The following CTNND2 variants were observed in gnomAD, a reference collection of about 807,000 sequenced individuals.
CTNND2 encodes the protein catenin delta 2.
Under a neutral mutation model 144.4 loss-of-function variants are expected in CTNND2, and 22 were observed. The ratio of observed to expected loss-of-function variants is 0.15; its 90% CI spans 0.11 to 0.22. The LOEUF (loss-of-function observed/expected upper bound fraction) is 0.22, where lower values mean the gene tolerates loss of function less well. Among genes scored for constraint, CTNND2 ranks in the 10% least tolerant of loss-of-function variants. The probability of loss-of-function intolerance (pLI) is 1.00; values close to 1 mark genes in which losing one functional copy is unlikely to be tolerated. For missense variants in CTNND2, 1,353 were observed against 1,618.8 expected (o/e 0.84, Z 2.82); for synonymous variants, 751 against 695.6 (o/e 1.08, Z -1.25).
At chr5:11,776,323 G>C (rs1490772143) in intron 1 of CTNND2, among the ~76,000 whole-genome samples, 1 of 152,118 alleles carries the variant, frequency 6.6e-6, no homozygotes, top group African/African-American at 2.4e-5. Flanking sequence ...TGAAGACAAG[G>C]AGTTAAAATA....
intron 7 of CTNND2, among the ~76,000 whole-genome samples, chr5:11,366,045 C>T (rs20476): frequency 0.041 from 6,256 of 152,208 alleles, 331 homozygotes; most frequent in East Asian, 0.16. Flanking sequence ...CTCTCTATTC[C>T]GGACTAACAT....
intron 4 of CTNND2, 59 bp downstream of exon 4, chr5:11,411,976 A>C: frequency 7.4e-7 from 1 of 1,342,434 alleles, no homozygotes; most frequent in Non-Finnish European, 1.1e-6. Context: ...TTCATAAGAA[A>C]AGTCATCAGT....
intron 12 of CTNND2, among the ~76,000 whole-genome samples, chr5:11,140,480 T>C (rs1756617909): frequency 6.6e-6 from 1 of 152,238 alleles, no homozygotes; most frequent in African/African-American, 2.4e-5. Context: ...AAAGTTGTTT[T>C]CAAACACTAT....
chr5:11,425,872 C>T (rs1422051588), intron 3 of CTNND2, among the ~76,000 whole-genome samples: 1 of 152,150 alleles, frequency 6.6e-6, no homozygotes, highest in African/African-American at 2.4e-5. Flanking sequence ...CATGATCTTC[C>T]TTGGAGAGTG....
chr5:11,400,053 G>C (rs867659097), intron 5 of CTNND2, among the ~76,000 whole-genome samples: 69 of 152,184 alleles, frequency 4.5e-4, no homozygotes, highest in African/African-American at 1.5e-3. Flanking sequence ...ACTGTGCAAT[G>C]AGGTAGAAAA....
At chr5:11,559,453 T>C (rs548171240) in intron 3 of CTNND2, among the ~76,000 whole-genome samples, 1 of 152,292 alleles carries the variant, frequency 6.6e-6, no homozygotes, top group South Asian at 2.1e-4. Flanking sequence ...ATAAAATGAA[T>C]TTAGCACGAC....
intron 11 of CTNND2, among the ~76,000 whole-genome samples, chr5:11,174,097 T>TGAG (rs1760224646): frequency 6.6e-6 from 1 of 152,120 alleles, no homozygotes; most frequent in Non-Finnish European, 1.5e-5. Flanking sequence ...ATGGAGACGT[T>TGAG]CTGGCCTTGA....
chr5:11,029,474 C>T (rs1445094659), intron 16 of CTNND2, among the ~76,000 whole-genome samples: 3 of 152,262 alleles, frequency 2.0e-5, no homozygotes, highest in Admixed American at 2.0e-4. Flanking sequence ...GTGGTTACCA[C>T]AGGGATTACA....
At chr5:11,278,199 C>A (rs1746751660) in intron 9 of CTNND2, among the ~76,000 whole-genome samples, 3 of 152,200 alleles carry the variant, frequency 2.0e-5, no homozygotes, top group Admixed American at 2.0e-4. Flanking sequence ...CTACAGTCGC[C>A]ATTCTACTCA....
chr5:11,120,208 C>T (rs1286554122), intron 12 of CTNND2, among the ~76,000 whole-genome samples: 1 of 152,200 alleles, frequency 6.6e-6, no homozygotes, highest in African/African-American at 2.4e-5. Flanking sequence ...GATACGCCTA[C>T]ACCCACACAG....
chr5:10,984,004 G>A (rs75104699), intron 20 of CTNND2, among the ~76,000 whole-genome samples: 17,417 of 152,014 alleles, frequency 0.11, 1,082 homozygotes, highest in Non-Finnish European at 0.14. Context: ...CCTGGAACTC[G>A]CTTCCCTCAG....
intron 14 of CTNND2, among the ~76,000 whole-genome samples, chr5:11,105,074 A>G (rs753489314): frequency 7.2e-5 from 11 of 152,336 alleles, no homozygotes; most frequent in Non-Finnish European, 1.3e-4. Flanking sequence ...AGGCTGCTCC[A>G]TATGACTGGG....
chr5:11,494,391 A>C (rs1306057612), intron 3 of CTNND2, among the ~76,000 whole-genome samples: 2 of 152,146 alleles, frequency 1.3e-5, no homozygotes, highest in African/African-American at 4.8e-5. Context: ...GTCTGTTTAC[A>C]AAAAAAGAGA....
chr5:11,232,315 G>T (rs1194017378), intron 10 of CTNND2, among the ~76,000 whole-genome samples: 1 of 99,596 alleles, frequency 1.0e-5, no homozygotes, highest in Non-Finnish European at 2.1e-5. Context: ...CTTGCACCAT[G>T]TGCCTGGAAA....
intron 2 of CTNND2, among the ~76,000 whole-genome samples, chr5:11,682,181 C>T (rs1056338714): frequency 7.2e-5 from 11 of 152,208 alleles, no homozygotes; most frequent in Admixed American, 5.2e-4. Flanking sequence ...ACTGGTTTAA[C>T]GTATCACAGT....
chr5:11,101,207 T>A (rs1264270240), intron 14 of CTNND2, among the ~76,000 whole-genome samples: 1 of 152,206 alleles, frequency 6.6e-6, no homozygotes, highest in East Asian at 1.9e-4. Flanking sequence ...TATTCAAACT[T>A]TTATTAAGTT....
At chr5:11,667,609 GTTGT>G (rs956921532) in intron 2 of CTNND2, among the ~76,000 whole-genome samples, 1 of 152,116 alleles carries the variant, frequency 6.6e-6, no homozygotes, top group Non-Finnish European at 1.5e-5. Flanking sequence ...TTTTGATGGG[GTTGT>G]TTCTTTACTT....
intron 10 of CTNND2, among the ~76,000 whole-genome samples, chr5:11,211,879 T>C (rs1311874192): frequency 6.6e-6 from 1 of 152,194 alleles, no homozygotes; most frequent in African/African-American, 2.4e-5. Context: ...CAAAAGAATT[T>C]ATGATAGAAA....
chr5:11,221,922 G>C (rs1188971635), intron 10 of CTNND2, among the ~76,000 whole-genome samples: 1 of 152,158 alleles, frequency 6.6e-6, no homozygotes, highest in Non-Finnish European at 1.5e-5. Context: ...AGATGAAGAA[G>C]TTTATGGTGG....
Sources: allele counts gnomAD v4.1 joint callset (sites outside exome capture counted in the v4.1 genomes callset), GRCh38; gene constraint gnomAD v4.1.1; transcripts MANE v1.5; gene names NCBI Gene and HGNC (gene_info 2026-07-23, HGNC 2026-07-21).